YWHAQ: variants seen among roughly 807,000 people sequenced by gnomAD.
The protein encoded by YWHAQ is tyrosine 3-monooxygenase/tryptophan 5-monooxygenase activation protein theta.
In YWHAQ, 6 loss-of-function variants were observed where a neutral mutation model predicts 28.3. The observed-to-expected ratio is 0.21, with a 90% CI of 0.12 to 0.42. The LOEUF (loss-of-function observed/expected upper bound fraction) is 0.42. YWHAQ is among the 10% of genes least tolerant of loss of function. The pLI, the probability that YWHAQ is intolerant of heterozygous loss-of-function variation, is 1.00. For synonymous variants in YWHAQ, 143 were observed against 119.1 expected (o/e 1.20, Z -1.31); for missense variants, 201 against 305.6 (o/e 0.66, Z 2.55).
At chr2:9,586,470 A>G (rs62119422) in intron 5 of YWHAQ, among the ~76,000 whole-genome samples, 22,952 of 152,116 alleles carry the variant, frequency 0.15, 2,126 homozygotes, top group Middle Eastern at 0.23. Context: ...TAATAGAGAT[A>G]ACAAAACAAA....
At chr2:9,621,041 T>C (rs899678849) in intron 2 of YWHAQ, among the ~76,000 whole-genome samples, 1 of 152,158 alleles carries the variant, frequency 6.6e-6, no homozygotes, top group South Asian at 2.1e-4. Context: ...TCTAAGATAT[T>C]TGCTTTTTTT....
chr2:9,597,336 T>C (rs2125064906), intron 2 of YWHAQ, among the ~76,000 whole-genome samples: 1 of 152,336 alleles, frequency 6.6e-6, no homozygotes, highest in East Asian at 1.9e-4. Context: ...GTCCTTGTGT[T>C]ATTTTTAAAT....
At chr2:9,628,761 G>A (rs1667295700) in intron 2 of YWHAQ, 1 of 152,190 alleles carries the variant, frequency 6.6e-6, no homozygotes, top group African/African-American at 2.4e-5. Flanking sequence ...TTTTACAAGT[G>A]CTTCTTCAAT....
chr2:9,602,841 AAAAAAAAAAAAAAAAAAAAAAAT>A (rs1666725065), intron 2 of YWHAQ, among the ~76,000 whole-genome samples: 5 of 24,444 alleles, frequency 2.0e-4, no homozygotes, highest in African/African-American at 8.4e-4. Flanking sequence ...AAAAAAAAAA[AAAAAAAAAAAAAAAAAAAAAAAT>A]ATATATATAT....
chr2:9,603,829 G>A (rs1304185004), intron 2 of YWHAQ, among the ~76,000 whole-genome samples: 2 of 151,990 alleles, frequency 1.3e-5, no homozygotes, highest in African/African-American at 4.8e-5. Context: ...GGAGGCTGAG[G>A]CAAGGGAATC....
chr2:9,621,193 A>G (rs1408388549), intron 2 of YWHAQ, among the ~76,000 whole-genome samples: 1 of 152,130 alleles, frequency 6.6e-6, no homozygotes, highest in Non-Finnish European at 1.5e-5. Flanking sequence ...GGGTCCTGAG[A>G]TCAAATTTGT....
intron 5 of YWHAQ, among the ~76,000 whole-genome samples, chr2:9,585,667 G>T (rs1270625901): frequency 6.6e-6 from 1 of 152,130 alleles, no homozygotes; most frequent in Non-Finnish European, 1.5e-5. Flanking sequence ...CAGCACGTAG[G>T]GAGGCCAAGA....
intron 2 of YWHAQ, among the ~76,000 whole-genome samples, chr2:9,603,198 C>T (rs1272345770): frequency 6.6e-6 from 1 of 151,638 alleles, no homozygotes; most frequent in Non-Finnish European, 1.5e-5. Flanking sequence ...TACAGACTTA[C>T]AATCTGTTCA....
At chr2:9,621,949 C>A (rs1667149348) in intron 2 of YWHAQ, among the ~76,000 whole-genome samples, 1 of 152,118 alleles carries the variant, frequency 6.6e-6, no homozygotes, top group African/African-American at 2.4e-5. Context: ...GAAAACCAAG[C>A]ACCGCATGTT....
At chr2:9,599,561 A>T (rs1294272059) in intron 2 of YWHAQ, among the ~76,000 whole-genome samples, 1 of 152,166 alleles carries the variant, frequency 6.6e-6, no homozygotes, top group African/African-American at 2.4e-5. Flanking sequence ...AATTATGCTA[A>T]ATCTACTCTG....
chr2:9,602,027 T>C (rs2125066419), intron 2 of YWHAQ, among the ~76,000 whole-genome samples: 1 of 152,312 alleles, frequency 6.6e-6, no homozygotes, highest in South Asian at 2.1e-4. Context: ...AACCATAATA[T>C]TAACCTCAGT....
intron 3 of YWHAQ, among the ~76,000 whole-genome samples, chr2:9,590,193 A>G (rs749439821): frequency 6.6e-6 from 1 of 152,234 alleles, no homozygotes; most frequent in Non-Finnish European, 1.5e-5. Context: ...TTAAAGCTAC[A>G]GCTATGTCTC....
At chr2:9,593,923 T>TATACACACACACAC (rs377495113) in intron 2 of YWHAQ, among the ~76,000 whole-genome samples, 3 of 135,152 alleles carry the variant, frequency 2.2e-5, no homozygotes, top group African/African-American at 8.7e-5. Context: ...TATATATATA[T>TATACACACACACAC]ACACACACAC....
chr2:9,617,805 T>C (rs1667064910), intron 2 of YWHAQ, among the ~76,000 whole-genome samples: 1 of 151,966 alleles, frequency 6.6e-6, no homozygotes, highest in Admixed American at 6.6e-5. Flanking sequence ...TGCACATCTG[T>C]AATCCCAGCT....
Position 9,630,541 on chromosome 2 carries a change from A to T in YWHAQ, c.-82-7T>A. The stretch of plus-strand genomic sequence containing the variant: ...GCGGGAGGAGCCTCGAGAGCTGCGG[A>T]GGGGCGGGGCGGCGAGGCGAGAACA... On this transcript the variant is annotated splice_polypyrimidine_tract_variant and splice_region_variant and intron_variant, in intron 1 of 5. Coordinates refer to ENST00000238081, the MANE Select transcript of YWHAQ (RefSeq NM_006826.4). This position sits in a 1 kb window ranked among gnomAD's most constrained non-coding sequence, Gnocchi z 5.6. The T allele has an allele frequency of 7.6e-7, 1 of 1,307,860 alleles. No homozygotes were observed. Among genetic ancestry groups the T allele is most frequent in the Non-Finnish European group, 1.0e-6 (1 of 982,694 alleles). 81.0% of individuals were successfully genotyped at this position (1,307,860 alleles called of 1,614,324 possible).
chr2:9,623,979 T>C (rs1395997579), intron 2 of YWHAQ, among the ~76,000 whole-genome samples: 1 of 152,072 alleles, frequency 6.6e-6, no homozygotes, highest in East Asian at 1.9e-4. Context: ...TTTGAAAATA[T>C]AGGACCCGGC....
At chr2:9,627,264 C>A (rs897839197) in intron 2 of YWHAQ, among the ~76,000 whole-genome samples, 1 of 152,142 alleles carries the variant, frequency 6.6e-6, no homozygotes, top group East Asian at 1.9e-4. Flanking sequence ...CTCTTTTCTA[C>A]CAAAAATTTA....
At chr2:9,603,650 T>C (rs770560882) in intron 2 of YWHAQ, among the ~76,000 whole-genome samples, 5 of 151,732 alleles carry the variant, frequency 3.3e-5, no homozygotes, top group Non-Finnish European at 7.4e-5. Flanking sequence ...AGGCCAGGCA[T>C]GGTGGCTCAC....
chr2:9,592,464 G>A (rs748170472), intron 2 of YWHAQ, among the ~76,000 whole-genome samples: 6 of 152,038 alleles, frequency 3.9e-5, no homozygotes, highest in Non-Finnish European at 7.4e-5. Context: ...GGTGGCTCAC[G>A]GCTGTAATCC....
Sources: gnomAD v4.1 joint callset for allele counts (sites outside exome capture counted in the v4.1 genomes callset) on GRCh38, gnomAD v4.1.1 for gene constraint, Gnocchi (gnomAD v3.1) non-coding constraint, MANE v1.5 for transcripts, NCBI Gene and HGNC (gene_info 2026-07-23, HGNC 2026-07-21) for gene names.